Variants in COL4A4 observed in about 807,000 individuals in gnomAD.
COL4A4 encodes the protein collagen alpha-4(IV) chain.
A neutral mutation model predicts 192.9 loss-of-function variants in COL4A4; 105 were observed. The observed-to-expected ratio is 0.54, with a 90% CI of 0.46 to 0.64. The LOEUF (loss-of-function observed/expected upper bound fraction) is 0.64. Among genes scored for constraint, COL4A4 ranks in the 30% least tolerant of loss-of-function variants. COL4A4 has a pLI of 0.00. For missense variants in COL4A4, 1,967 were observed against 2,169.3 expected, an observed-to-expected ratio of 0.91 and a Z score of 1.85; for synonymous variants, 762 against 769.9, an observed-to-expected ratio of 0.99 and a Z score of 0.17.
At chr2:226,973,419 GTGTT>G in the COL4A4 span, among the ~76,000 whole-genome samples, 1 of 152,232 alleles carries the variant, frequency 6.6e-6, no homozygotes, top group African/African-American at 2.4e-5. Context: ...TGGGAAGTGA[GTGTT>G]TGCCTGTTCC....
chr2:227,030,963 T>TGGAC (rs1222233416), intron 40 of COL4A4, among the ~76,000 whole-genome samples: 2 of 150,470 alleles, frequency 1.3e-5, no homozygotes, highest in Non-Finnish European at 3.0e-5. Context: ...GATGGATGGA[T>TGGAC]GGATAGGTGG....
At chr2:227,079,162 T>A (rs930845807) in intron 24 of COL4A4, among the ~76,000 whole-genome samples, 1 of 151,702 alleles carries the variant, frequency 6.6e-6, no homozygotes, top group Non-Finnish European at 1.5e-5. Context: ...AAGGAATATC[T>A]GACACTGTCC....
rs59888959 is a variant in COL4A4 at position 227,111,582 on chromosome 2, G to A, written c.594+96C>T. On this transcript the variant is annotated intron_variant, in intron 9 of 47. Transcript: ENST00000396625. ...ATTTTCATTTTGCACTAGGTGAGCC[G>A]CACAAATTATGTAGCTGGCTTTGCT... is the stretch of plus-strand genomic sequence containing the variant. The A allele has an allele frequency of 0.011, 15,451 of 1,351,572 alleles. 1,164 individuals are homozygous for A. The African/African-American group carries it at 0.18, about 15-fold the overall frequency. The allele number at this position is 1,351,572 out of a possible 1,614,324, so 83.7% of individuals were successfully genotyped here. A position where few individuals can be genotyped will look rare whatever the true frequency, so the allele number is the denominator to read the frequency against.
chr2:227,019,706 T>G (rs1317468869), intron 44 of COL4A4, among the ~76,000 whole-genome samples: 2 of 152,240 alleles, frequency 1.3e-5, no homozygotes, highest in Non-Finnish European at 2.9e-5. Context: ...TCACTCTTGT[T>G]GCCCAGGCTA....
intron 25 of COL4A4, among the ~76,000 whole-genome samples, chr2:227,070,508 G>A (rs1255444305): frequency 2.6e-5 from 4 of 151,924 alleles, no homozygotes; most frequent in African/African-American, 4.8e-5. Flanking sequence ...AGAAAATGTG[G>A]CACATATACA....
chr2:226,998,163 AGAG>A (rs1959939649), downstream of COL4A4: 1 of 152,224 alleles, frequency 6.6e-6, no homozygotes, highest in African/African-American at 2.4e-5. Context: ...TTGGTTCTGA[AGAG>A]GAGGCAGTAG....
intron 25 of COL4A4, among the ~76,000 whole-genome samples, chr2:227,070,181 A>G (rs1356331039): frequency 6.6e-6 from 1 of 152,136 alleles, no homozygotes; most frequent in Non-Finnish European, 1.5e-5. Flanking sequence ...ACCATCTCAC[A>G]CCAGTTAGAA....
chr2:226,974,987 G>A, the COL4A4 span, among the ~76,000 whole-genome samples: 4 of 152,318 alleles, frequency 2.6e-5, no homozygotes, highest in East Asian at 5.8e-4. Context: ...ATGGCCACAC[G>A]TGAATCAGCA....
chr2:227,011,646 GAA>G (rs954420909), intron 45 of COL4A4, among the ~76,000 whole-genome samples: 2 of 152,162 alleles, frequency 1.3e-5, no homozygotes, highest in African/African-American at 4.8e-5. Flanking sequence ...CTTCTATTCT[GAA>G]GAGTCCTATG....
At chr2:227,135,463 T>A (rs1007114156) in intron 4 of COL4A4, among the ~76,000 whole-genome samples, 1 of 152,136 alleles carries the variant, frequency 6.6e-6, no homozygotes, top group African/African-American at 2.4e-5. Flanking sequence ...CTATGTGAGA[T>A]TACTCATTTC....
chr2:227,065,684 C>T (rs1029158379), intron 25 of COL4A4, among the ~76,000 whole-genome samples: 28 of 151,892 alleles, frequency 1.8e-4, no homozygotes, highest in Non-Finnish European at 2.9e-4. Flanking sequence ...AGAAGGAAAA[C>T]TAACAAACAG....
chr2:227,062,397 CT>C (rs1453817514), intron 26 of COL4A4, 132 bp downstream of exon 26: 15 of 694,692 alleles, frequency 2.2e-5, no homozygotes, highest in Non-Finnish European at 3.9e-5. Context: ...CTGTTTTCCC[CT>C]ATCCATGGTC....
chr2:227,015,982 C>T lies in COL4A4; in HGVS notation c.4217-3685G>A, dbSNP rs1285510989. On this transcript the variant is annotated intron_variant, in intron 44 of 47. Transcript: ENST00000396625. ...TCTTCCCCTTCACCAAATGCCTCCC[C>T]CATAGGCTAAAGGTACATCTCCCAT... Among the ~76,000 whole-genome samples, 6 of 152,058 alleles carry T rather than the reference C, an allele frequency of 3.9e-5. No individual in the cohort carries two copies. The East Asian group carries it at 1.2e-3, about 29-fold the overall frequency.
the COL4A4 span, among the ~76,000 whole-genome samples, chr2:226,994,388 C>G: frequency 1.1e-4 from 17 of 152,154 alleles, no homozygotes; most frequent in Non-Finnish European, 2.4e-4. Context: ...TGAAGACAAA[C>G]AAACGGAAGG....
intron 19 of COL4A4, 52 bp from the exon 20 acceptor site, chr2:227,094,341 T>C (rs1458428710): frequency 4.5e-6 from 7 of 1,566,290 alleles, no homozygotes; most frequent in Non-Finnish European, 6.1e-6. Flanking sequence ...AGTAAACGTC[T>C]CTGTAGAAGA....
chr2:227,025,843 G>A, intron 42 of COL4A4, 33 bp from the exon 43 acceptor site: 1 of 1,608,598 alleles, frequency 6.2e-7, no homozygotes, highest in South Asian at 1.1e-5. Flanking sequence ...AACGAGGCCA[G>A]TCCATGATTT....
chr2:227,102,042 G>A, intron 15 of COL4A4, 133 bp from the exon 16 acceptor site: 1 of 614,616 alleles, frequency 1.6e-6, no homozygotes. Flanking sequence ...CTGAATAAAA[G>A]GAAATAAATA....
intron 25 of COL4A4, among the ~76,000 whole-genome samples, chr2:227,070,743 G>A (rs1420827571): frequency 1.4e-5 from 2 of 145,242 alleles, no homozygotes; most frequent in Admixed American, 6.9e-5. Context: ...GGGGGAGGGG[G>A]GAGGATAGCA....
rs1336137456 is a variant in COL4A4, at chr2:227,146,372, T to C, written c.71+1041A>G. Among the ~76,000 whole-genome samples the C allele has an allele frequency of 2.0e-5, 3 of 152,066 alleles. No individual in the cohort carries two copies. In the East Asian group the frequency reaches 5.8e-4, roughly 29 times the overall value. ...CCCCAAATCAGTTAAGACTGGACCA[T>C]ATTCCTTCCCACCACCTTCACTTCT... is the stretch of plus-strand genomic sequence containing the variant. On this transcript the variant is annotated intron_variant, in intron 2 of 47. Coordinates refer to ENST00000396625, the MANE Select transcript of COL4A4 (RefSeq NM_000092.5).
Sources: allele counts gnomAD v4.1 joint callset (sites outside exome capture counted in the v4.1 genomes callset), GRCh38; gene constraint gnomAD v4.1.1; transcripts MANE v1.5; gene names NCBI Gene and HGNC (gene_info 2026-07-23, HGNC 2026-07-21).